NRXN3: variants seen among roughly 807,000 people sequenced by gnomAD.
The protein encoded by NRXN3 is neurexin 3, also known as neurexin III.
Under a neutral mutation model 137.6 loss-of-function variants are expected in NRXN3, and 32 were observed. That is an observed-to-expected ratio of 0.23 (90% CI 0.18 to 0.31). The LOEUF (loss-of-function observed/expected upper bound fraction) is 0.31, where lower values mean the gene tolerates loss of function less well. Among genes scored for constraint, NRXN3 ranks in the 10% least tolerant of loss-of-function variants. The pLI is 1.00. For missense variants in NRXN3, 1,574 were observed against 2,062.5 expected (o/e 0.76, Z 4.59); for synonymous variants, 798 against 784.5 (o/e 1.02, Z -0.29).
At chr14:78,676,105 A>G (rs1414592986) in intron 6 of NRXN3, among the ~76,000 whole-genome samples, 4 of 152,128 alleles carry the variant, frequency 2.6e-5, no homozygotes, top group African/African-American at 9.7e-5. Context: ...TGATACAATA[A>G]TATTGACATT....
chr14:78,400,849 C>A (rs1305195996), intron 4 of NRXN3, among the ~76,000 whole-genome samples: 1 of 152,152 alleles, frequency 6.6e-6, no homozygotes, highest in Admixed American at 6.5e-5. Context: ...CTCCTCTGCA[C>A]CCTCCCCCAA....
At chr14:79,486,913 TTCTCTCTCTCTCTCTC>T (rs58861355) in intron 16 of NRXN3, among the ~76,000 whole-genome samples, 44,822 of 128,458 alleles carry the variant, frequency 0.35, 8,956 homozygotes, top group Admixed American at 0.47. Flanking sequence ...TCTTTACAGG[TTCTCTCTCTCTCTCTC>T]TCTCTCTCTC....
intron 4 of NRXN3, chr14:78,526,798 C>T (rs775572655): frequency 2.9e-5 from 15 of 515,526 alleles, no homozygotes; most frequent in East Asian, 1.1e-4. Context: ...AAATAAACAG[C>T]GATGAATAAA....
At chr14:78,307,461 A>G (rs1355744214) in intron 4 of NRXN3, among the ~76,000 whole-genome samples, 1 of 152,138 alleles carries the variant, frequency 6.6e-6, no homozygotes, top group Non-Finnish European at 1.5e-5. Context: ...AGAAGGATTA[A>G]CCTTGTGAGA....
intron 6 of NRXN3, among the ~76,000 whole-genome samples, chr14:78,658,530 A>G (rs1307431724): frequency 1.3e-5 from 2 of 152,218 alleles, no homozygotes; most frequent in African/African-American, 4.8e-5. Context: ...AAAAACCTGC[A>G]GAAGTTAGGA....
chr14:78,554,683 T>A (rs1466987723), intron 4 of NRXN3, among the ~76,000 whole-genome samples: 4 of 152,166 alleles, frequency 2.6e-5, no homozygotes, highest in African/African-American at 9.7e-5. Context: ...CACCTGCAAT[T>A]GTCCATATTT....
chr14:79,255,251 G>A (rs61995413), intron 15 of NRXN3, among the ~76,000 whole-genome samples: 11 of 152,122 alleles, frequency 7.2e-5, no homozygotes, highest in African/African-American at 2.2e-4. Flanking sequence ...CCATAGTGCC[G>A]TCATAGAGGC....
intron 15 of NRXN3, among the ~76,000 whole-genome samples, chr14:79,179,588 G>A (rs779907456): frequency 5.3e-5 from 8 of 152,098 alleles, no homozygotes; most frequent in African/African-American, 9.7e-5. Context: ...AGATGATTCT[G>A]ATGTTATAGC....
intron 4 of NRXN3, among the ~76,000 whole-genome samples, chr14:78,608,253 T>A (rs772275328): frequency 6.6e-6 from 1 of 152,066 alleles, no homozygotes; most frequent in Non-Finnish European, 1.5e-5. Flanking sequence ...ATGTTACAAC[T>A]TCCCACCCCC....
intron 4 of NRXN3, among the ~76,000 whole-genome samples, chr14:78,399,053 G>A (rs1261912846): frequency 1.3e-5 from 2 of 152,174 alleles, no homozygotes; most frequent in Non-Finnish European, 2.9e-5. Flanking sequence ...CTGGTTCTTT[G>A]ACTAGAGATA....
rs549296498 is a variant in NRXN3 at position 78,981,623 on chromosome 14, T to C, written c.3143-6399T>C. Among the ~76,000 whole-genome samples the C allele has an allele frequency of 3.3e-5, 5 of 152,348 alleles. No homozygotes were observed. In the South Asian group the frequency reaches 1.0e-3, roughly 32 times the overall value. ...ACTACTTTTAATTATATTTGCTTCA[T>C]CATGTGCTTATGAAGATTAATTGAA... On this transcript the variant is annotated intron_variant, in intron 14 of 20. Transcript: ENST00000335750.
At chr14:79,576,672 T>C (rs758534623) in intron 16 of NRXN3, among the ~76,000 whole-genome samples, 3 of 152,166 alleles carry the variant, frequency 2.0e-5, no homozygotes, top group Non-Finnish European at 4.4e-5. Flanking sequence ...TGACCATGGA[T>C]CGGATTCTGA....
chr14:79,054,036 C>T (rs2099648273), intron 15 of NRXN3, among the ~76,000 whole-genome samples: 1 of 148,954 alleles, frequency 6.7e-6, no homozygotes, highest in Non-Finnish European at 1.5e-5. Flanking sequence ...TGGAAACCAT[C>T]ATTCTCAGCA....
intron 4 of NRXN3, among the ~76,000 whole-genome samples, chr14:78,393,409 C>G (rs1413408390): frequency 6.6e-6 from 1 of 151,936 alleles, no homozygotes; most frequent in Non-Finnish European, 1.5e-5. Flanking sequence ...CTCCTGTTAC[C>G]CTCTTATAGC....
At chr14:78,332,607 C>A (rs1240155499) in intron 4 of NRXN3, among the ~76,000 whole-genome samples, 1 of 152,162 alleles carries the variant, frequency 6.6e-6, no homozygotes, top group African/African-American at 2.4e-5. Context: ...AGCCGCTGCA[C>A]CCAGCCTGTA....
chr14:79,389,565 T>A (rs936584912), intron 15 of NRXN3, among the ~76,000 whole-genome samples: 51 of 152,330 alleles, frequency 3.3e-4, no homozygotes, highest in African/African-American at 1.2e-3. Flanking sequence ...TCTTTCCTCA[T>A]CTGATAATTG....
In NRXN3 at chr14:78,270,190, A is replaced by G. The variant is rs556339436; in HGVS notation, c.710-8455A>G. On this transcript the variant is annotated intron_variant, in intron 2 of 20. Coordinates refer to ENST00000335750, the MANE Select transcript of NRXN3 (RefSeq NM_001330195.2). ...CTGCCTCTTAACCTCTATCCTATCT[A>G]TGGTGGGGGCAGAGAAATTGGAGAT... Among the ~76,000 whole-genome samples, 12 of 152,244 alleles carry G rather than the reference A, an allele frequency of 7.9e-5. No individual in the cohort carries two copies. The South Asian group carries it at 2.5e-3, about 32-fold the overall frequency.
intron 15 of NRXN3, among the ~76,000 whole-genome samples, chr14:79,183,062 A>G (rs575359816): frequency 6.6e-6 from 1 of 152,340 alleles, no homozygotes; most frequent in South Asian, 2.1e-4. Flanking sequence ...GAATTATGCC[A>G]TGTGTCAAGT....
chr14:78,878,443 C>T (rs2099119122), intron 10 of NRXN3, among the ~76,000 whole-genome samples: 1 of 152,098 alleles, frequency 6.6e-6, no homozygotes, highest in Admixed American at 6.5e-5. Flanking sequence ...CAATGTGATG[C>T]AAAATGAATT....
Sources: allele counts gnomAD v4.1 joint callset (sites outside exome capture counted in the v4.1 genomes callset), GRCh38; gene constraint gnomAD v4.1.1; transcripts MANE v1.5; gene names NCBI Gene and HGNC (gene_info 2026-07-23, HGNC 2026-07-21).